Variants in ZNF92 observed in about 807,000 individuals in gnomAD.
ZNF92 encodes zinc finger protein 92.
ZNF92 carries 11 observed loss-of-function variants against 12.4 expected under a neutral mutation model. That is an observed-to-expected ratio of 0.89 (90% CI 0.56 to 1.47). The LOEUF (loss-of-function observed/expected upper bound fraction) is 1.47. ZNF92 is among the 40% of genes most tolerant of loss of function. The pLI is 0.00. For synonymous variants in ZNF92, 206 were observed against 228.6 expected (o/e 0.90, Z 0.89); for missense variants, 622 against 681.0 (o/e 0.91, Z 0.96).
At chr7:65,384,368 C>T (rs971902184) in intron 1 of ZNF92, among the ~76,000 whole-genome samples, 2 of 152,056 alleles carry the variant, frequency 1.3e-5, no homozygotes, top group Non-Finnish European at 2.9e-5. Context: ...TTTTGGAGGC[C>T]TTATTGAAGT....
intron 1 of ZNF92, among the ~76,000 whole-genome samples, chr7:65,378,311 A>AT (rs1310014671): frequency 6.8e-5 from 10 of 147,046 alleles, no homozygotes; most frequent in Non-Finnish European, 1.5e-4. Context: ...AAAAAATCAG[A>AT]TTTTAGATGA....
At chr7:65,379,584 C>T (rs1793346429) in intron 1 of ZNF92, among the ~76,000 whole-genome samples, 1 of 152,120 alleles carries the variant, frequency 6.6e-6, no homozygotes, top group Non-Finnish European at 1.5e-5. Flanking sequence ...GATGTGCACA[C>T]ACTCCTCCCA....
At position 65,398,503 on chromosome 7, in the gene ZNF92, A is replaced by T; in HGVS notation, c.389A>T (p.Tyr130Phe). ...VDACKVYKGGYNGLNQCLTTT... is the reference protein window; with the variant it reads ...VDACKVYKGGFNGLNQCLTTT... ...GCATGTAAGGTGTACAAAGGAGGTT[A>T]TAATGGACTTAACCAGTGTTTGACA... The change falls in exon 4 of 4, where the codon TAT becomes TTT. Residue 130 changes from tyrosine (Y) to phenylalanine (F), a missense_variant. Physicochemically the swap from Tyr to Phe is conservative, Grantham distance 22. Transcript: ENST00000328747. 4 of 1,612,884 alleles carry T rather than the reference A, an allele frequency of 2.5e-6. No individual in the cohort carries two copies. Among genetic ancestry groups the T allele is most frequent in the Non-Finnish European group, 3.4e-6 (4 of 1,179,588 alleles).
intron 1 of ZNF92, among the ~76,000 whole-genome samples, chr7:65,374,240 C>T (rs183164066): frequency 8.1e-4 from 124 of 152,230 alleles, no homozygotes; most frequent in Non-Finnish European, 1.5e-3. Flanking sequence ...GGCCTGGAGC[C>T]CTCCCTGGGC....
At chr7:65,374,965 A>T (rs1793199955) in intron 1 of ZNF92, among the ~76,000 whole-genome samples, 1 of 152,034 alleles carries the variant, frequency 6.6e-6, no homozygotes, top group Non-Finnish European at 1.5e-5. Context: ...CCTAATTCGC[A>T]TTAGCAAGTG....
At chr7:65,378,603 G>A (rs962498940) in intron 1 of ZNF92, among the ~76,000 whole-genome samples, 5 of 151,930 alleles carry the variant, frequency 3.3e-5, no homozygotes, top group Admixed American at 6.6e-5. Flanking sequence ...GTAGCTGGGC[G>A]TGGTGGCGGG....
In ZNF92 at chr7:65,396,994, A is replaced by G. The variant is rs1218999181; in HGVS notation, c.227-1347A>G. 5.3e-5 allele frequency among the ~76,000 whole-genome samples: 8 copies of G among 151,944 alleles called. No individual in the cohort carries two copies. In the South Asian group the frequency reaches 1.5e-3, roughly 28 times the overall value. On this transcript the variant is annotated intron_variant, in intron 3 of 3. Transcript: ENST00000328747. Reference sequence around the variant, plus strand: ...AAGTTCTCAGCCTTTTTTATCTTCAAGTATCCTCTGTACTACTTTTTTTTT... The same window carrying G: ...AAGTTCTCAGCCTTTTTTATCTTCAGGTATCCTCTGTACTACTTTTTTTTT...
chr7:65,374,072 C>A, intron 1 of ZNF92, 72 bp downstream of exon 1: 1 of 1,598,152 alleles, frequency 6.3e-7, no homozygotes, highest in Non-Finnish European at 8.6e-7. Flanking sequence ...GTGGCTGTGG[C>A]GGGCCTCGGG....
Position 65,399,448 on chromosome 7 carries a change from G to T in ZNF92, c.1334G>T (p.Arg445Ile), listed in dbSNP as rs766790874. The T allele has an allele frequency of 1.2e-6, 2 of 1,610,506 alleles. No individual in the cohort carries two copies. Among genetic ancestry groups the T allele is most frequent in the Admixed American group, 3.4e-5 (2 of 59,632 alleles). ...TCCTCAGCTTTTACTAAACATAAGA[G>T]AAATCATATGGAAGATAAACCCTAC... ...SWSSAFTKHKRNHMEDKPYKC... is the reference protein window; with the variant it reads ...SWSSAFTKHKINHMEDKPYKC... The change falls in exon 4 of 4, where the codon AGA becomes ATA. Residue 445 changes from arginine to isoleucine, a missense_variant. Coordinates refer to ENST00000328747, the MANE Select transcript of ZNF92 (RefSeq NM_152626.4).
At chr7:65,385,730 G>T (rs1406224059) in intron 1 of ZNF92, among the ~76,000 whole-genome samples, 1 of 152,048 alleles carries the variant, frequency 6.6e-6, no homozygotes, top group Admixed American at 6.6e-5. Flanking sequence ...TGGGTGTGGT[G>T]GTAGCAGGTA....
chr7:65,376,741 A>C (rs1793253290), intron 1 of ZNF92, among the ~76,000 whole-genome samples: 1 of 152,172 alleles, frequency 6.6e-6, no homozygotes, highest in African/African-American at 2.4e-5. Context: ...CACCGCGCCT[A>C]GCCCACTTGT....
At chr7:65,375,536 C>G (rs892100401) in intron 1 of ZNF92, among the ~76,000 whole-genome samples, 3 of 151,866 alleles carry the variant, frequency 2.0e-5, no homozygotes, top group African/African-American at 2.4e-5. Flanking sequence ...CAATCAGATG[C>G]TGGTACTGGG....
chr7:65,390,658 A>G (rs1485017001), intron 3 of ZNF92, among the ~76,000 whole-genome samples: 1 of 152,126 alleles, frequency 6.6e-6, no homozygotes, highest in East Asian at 1.9e-4. Context: ...TCGGGTCTGC[A>G]TATAATGGAC....
rs1793957366 is a variant in ZNF92, at chr7:65,399,635, A to G, written c.1521A>G (p.Lys507=). 1.2e-6 allele frequency: 2 copies of G among 1,613,780 alleles called. No individual in the cohort carries two copies. The highest frequency in any genetic ancestry group is 2.2e-5 in the South Asian group (2 of 91,056). Reference sequence around the variant, plus strand: ...ATAAGATAATTCACACTGAAGGGAAATCCTACAAATGTGAAAAATGTGGCA... The same window carrying G: ...ATAAGATAATTCACACTGAAGGGAAGTCCTACAAATGTGAAAAATGTGGCA... ...TKHKIIHTEG[K]SYKCEKCGNA... The change falls in exon 4 of 4, where the codon AAA becomes AAG. Residue 507 remains lysine (K), a synonymous_variant. Coordinates refer to ENST00000328747, the MANE Select transcript of ZNF92 (RefSeq NM_152626.4).
intron 1 of ZNF92, among the ~76,000 whole-genome samples, chr7:65,376,313 G>A (rs1020603898): frequency 3.3e-5 from 5 of 151,996 alleles, no homozygotes; most frequent in African/African-American, 1.2e-4. Flanking sequence ...GGGCTTGAAA[G>A]GTAAGACATA....
In ZNF92 at chr7:65,399,129, A is replaced by G. The variant is rs1395280704; in HGVS notation, c.1015A>G (p.Lys339Glu). The G allele has an allele frequency of 1.9e-6, 3 of 1,612,894 alleles. No homozygotes were observed. Among genetic ancestry groups the G allele is most frequent in the Middle Eastern group, 1.6e-4 (1 of 6,078 alleles). The change falls in exon 4 of 4, where the codon AAA (lysine) becomes GAA (glutamate). Residue 339 changes from lysine (K) to glutamate (E), a missense_variant. Transcript: ENST00000328747. The stretch of plus-strand genomic sequence containing the variant: ...ACATAAGATAATCCATACTGGGGAA[A>G]AACCATACAAATGTGAAGAATGTGG... ...KKHKIIHTGEKPYKCEECGKA... is the reference protein window; with the variant it reads ...KKHKIIHTGEEPYKCEECGKA...
At chr7:65,384,872 T>C (rs918063476) in intron 1 of ZNF92, among the ~76,000 whole-genome samples, 4 of 152,204 alleles carry the variant, frequency 2.6e-5, no homozygotes, top group African/African-American at 9.7e-5. Context: ...CTCTGTAACA[T>C]ACTCTTGAGG....
intron 2 of ZNF92, 142 bp downstream of exon 2, chr7:65,388,170 G>T: frequency 1.1e-6 from 1 of 888,720 alleles, no homozygotes; most frequent in East Asian, 3.5e-5. Flanking sequence ...TGTCAGTATA[G>T]AAAAGAACTT....
intron 3 of ZNF92, among the ~76,000 whole-genome samples, chr7:65,389,599 C>G (rs1793659270): frequency 6.6e-6 from 1 of 152,044 alleles, no homozygotes; most frequent in Non-Finnish European, 1.5e-5. Flanking sequence ...TCACAGCAAC[C>G]TCTGCCTCCT....
Sources: gnomAD v4.1 joint callset for allele counts (sites outside exome capture counted in the v4.1 genomes callset) on GRCh38, gnomAD v4.1.1 for gene constraint, MANE v1.5 for transcripts, NCBI Gene and HGNC (gene_info 2026-07-23, HGNC 2026-07-21) for gene names.